The following SLC26A9 variants were observed in gnomAD, a reference collection of about 807,000 sequenced individuals.
The protein encoded by SLC26A9 is anion transporter/exchanger protein 9.
A neutral mutation model predicts 87.1 loss-of-function variants in SLC26A9; 46 were observed. The observed-to-expected ratio is 0.53, with a 90% CI of 0.42 to 0.67. The LOEUF is 0.67. Among genes scored for constraint, SLC26A9 ranks in the 30% least tolerant of loss-of-function variants. The probability of loss-of-function intolerance (pLI) is 0.00; values close to 1 mark genes in which losing one functional copy is unlikely to be tolerated. For synonymous variants in SLC26A9, 437 were observed against 409.1 expected, an observed-to-expected ratio of 1.07 and a Z score of -0.82; for missense variants, 927 against 1,018.3, an observed-to-expected ratio of 0.91 and a Z score of 1.22.
At chr1:205,940,952 T>C (rs61814953) in intron 1 of SLC26A9, among the ~76,000 whole-genome samples, 48,216 of 152,086 alleles carry the variant, frequency 0.32, 9,456 homozygotes, top group South Asian at 0.5. Flanking sequence ...AAAGGTCACC[T>C]TGAGGTTTCC....
chr1:205,931,819 G>C (rs775303292), intron 5 of SLC26A9, 41 bp downstream of exon 5: 15 of 1,589,498 alleles, frequency 9.4e-6, no homozygotes, highest in Non-Finnish European at 1.3e-5. Context: ...GGGCAGGGTG[G>C]TCTGATGCCC....
chr1:205,926,610 G>A lies in SLC26A9; in HGVS notation c.1314C>T (p.Ile438=), dbSNP rs759289783. 22 of 1,614,020 alleles carry A rather than the reference G, an allele frequency of 1.4e-5. No homozygotes were observed. The highest frequency in any genetic ancestry group is 5.5e-5 in the South Asian group (5 of 91,064). ...TGAGGGAGTTCTTGAGATTGACAGC[G>A]ATCAGGGCTCCTAGCACAGACTAGA... The part of the protein sequence containing the change: ...PLPKSVLGAL[I]AVNLKNSLKQ... Residue 438 remains isoleucine, a synonymous_variant, in exon 12 of 21, where the codon ATC becomes ATT. Coordinates refer to ENST00000367135, the MANE Select transcript of SLC26A9 (RefSeq NM_052934.4).
At chr1:205,935,623 A>T in intron 2 of SLC26A9, 73 bp downstream of exon 2, 1 of 1,594,158 alleles carries the variant, frequency 6.3e-7, no homozygotes, top group South Asian at 1.1e-5. Context: ...CCAGTGCAGA[A>T]GCCGTGTCCT....
chr1:205,929,780 C>T (rs1192462853), intron 6 of SLC26A9, 112 bp downstream of exon 6: 1 of 1,334,502 alleles, frequency 7.5e-7, no homozygotes, highest in Non-Finnish European at 1.0e-6. Context: ...CTCTGAACAA[C>T]AGCTAAGCCA....
rs746941944 is a variant in SLC26A9, at chr1:205,926,600, G to A, written c.1324C>T (p.Leu442Phe). 1 of 1,614,120 alleles carries A rather than the reference G, an allele frequency of 6.2e-7. No homozygotes were observed. Among genetic ancestry groups the A allele is most frequent in the South Asian group, 1.1e-5 (1 of 91,078 alleles). Residue 442 changes from leucine (L) to phenylalanine (F), a missense_variant, in exon 12 of 21, where the codon CTC becomes TTC. By Grantham distance (22) the Leu-to-Phe change is conservative. Transcript: ENST00000367135. ...GTGAGTTGCTTGAGGGAGTTCTTGA[G>A]ATTGACAGCGATCAGGGCTCCTAGC... ...SVLGALIAVN[L>F]KNSLKQLTDP...
At chr1:205,932,179 C>T in intron 4 of SLC26A9, 144 bp from the exon 5 acceptor site, 1 of 938,270 alleles carries the variant, frequency 1.1e-6, no homozygotes, top group Non-Finnish European at 1.6e-6. Context: ...TAATAACAAC[C>T]ACTCACTCTA....
rs549687676 is a variant in SLC26A9, at chr1:205,927,144, C to A, written c.1293+67G>T. 2.8e-5 allele frequency: 44 copies of A among 1,557,478 alleles called. No homozygotes were observed. The East Asian group carries it at 3.6e-4, about 13-fold the overall frequency. ...GCACTTTGTGGTCCGTAAAGTGCCA[C>A]ACAACTCTCAGGGATTGTTCTTATT... On this transcript the variant is annotated intron_variant, in intron 11 of 20. Transcript: ENST00000367135.
intron 4 of SLC26A9, among the ~76,000 whole-genome samples, 165 bp downstream of exon 4, chr1:205,932,537 G>A (rs1192023902): frequency 6.6e-6 from 1 of 152,168 alleles, no homozygotes; most frequent in East Asian, 1.9e-4. Flanking sequence ...GTTTCTCCAA[G>A]GTCACCGAGG....
chr1:205,933,684 A>C (rs1659399948), intron 2 of SLC26A9, among the ~76,000 whole-genome samples: 1 of 152,054 alleles, frequency 6.6e-6, no homozygotes, highest in Non-Finnish European at 1.5e-5. Context: ...TTTTCTTAGA[A>C]CTTCCTTGAA....
rs755973525 is a variant in SLC26A9, at chr1:205,932,990, C to A, written c.220G>T (p.Asp74Tyr). The change falls in exon 3 of 21, where the codon GAC becomes TAC. Residue 74 changes from aspartate to tyrosine, a missense_variant. Physicochemically the swap from Asp to Tyr is radical, Grantham distance 160. Transcript: ENST00000367135. ...CCCCCGCTGAGTCCACCGAGCAGGT[C>A]AGGAATGATGTAGTCTTTAATCTTG... ...KYKIKDYIIP[D>Y]LLGGLSGGSI... 2 of 1,614,126 alleles carry A rather than the reference C, an allele frequency of 1.2e-6. No individual in the cohort carries two copies. Among genetic ancestry groups the A allele is most frequent in the East Asian group, 2.2e-5 (1 of 44,874 alleles).
chr1:205,933,038 C>T lies in SLC26A9; in HGVS notation c.172G>A (p.Val58Met). Residue 58 changes from valine (V) to methionine (M), a missense_variant, in exon 3 of 21, where the codon GTG (valine) becomes ATG (methionine). Physicochemically the swap from Val to Met is conservative, Grantham distance 21. Transcript: ENST00000367135. ...IKAVVFGLLPVLSWLPKYKIK... is the reference protein window; with the variant it reads ...IKAVVFGLLPMLSWLPKYKIK... The stretch of plus-strand genomic sequence containing the variant: ...TTGTACTTGGGGAGCCAGGAGAGCA[C>T]AGGCAGCAGCCCAAACACCACAGCT... 28 of 1,614,174 alleles carry T rather than the reference C, an allele frequency of 1.7e-5. No individual in the cohort carries two copies. The highest frequency in any genetic ancestry group is 2.3e-5 in the Non-Finnish European group (27 of 1,180,042).
chr1:205,915,396 G>C lies in SLC26A9; in HGVS notation c.2337C>G (p.Phe779Leu). ...GGGTCTCTGCGTGAAACATGCTCCCGAACATCTCCTGCAGGAACCACAGGA... is the reference window on the plus strand; with the variant it reads ...GGGTCTCTGCGTGAAACATGCTCCCCAACATCTCCTGCAGGAACCACAGGA... ...RSYWDLEQEM[F>L]GSMFHAETLT... Residue 779 changes from phenylalanine to leucine, a missense_variant, in exon 21 of 21, where the codon TTC (phenylalanine) becomes TTG (leucine). By Grantham distance (22) the Phe-to-Leu change is conservative. Coordinates refer to ENST00000367135, the MANE Select transcript of SLC26A9 (RefSeq NM_052934.4). The C allele has an allele frequency of 6.2e-7, 1 of 1,614,012 alleles. No individual in the cohort carries two copies. The highest frequency in any genetic ancestry group is 8.5e-7 in the Non-Finnish European group (1 of 1,180,014).
intron 20 of SLC26A9, 70 bp downstream of exon 20, chr1:205,917,208 CTTGTA>C: frequency 6.7e-7 from 1 of 1,496,794 alleles, no homozygotes; most frequent in Non-Finnish European, 9.3e-7. Context: ...GAGTGAACGC[CTTGTA>C]TTTGACAGCG....
chr1:205,920,884 T>G (rs1260125638), intron 17 of SLC26A9, among the ~76,000 whole-genome samples: 1 of 151,970 alleles, frequency 6.6e-6, no homozygotes, highest in Non-Finnish European at 1.5e-5. Context: ...TCAGGGAGTC[T>G]AGAGCTTCAG....
At chr1:205,942,609 A>G (rs1393301641) in intron 1 of SLC26A9, among the ~76,000 whole-genome samples, 4 of 152,122 alleles carry the variant, frequency 2.6e-5, no homozygotes, top group Non-Finnish European at 5.9e-5. Context: ...AACCCCTTGG[A>G]GCTGCAGGAT....
At chr1:205,922,945 A>G (rs1424091562) in intron 16 of SLC26A9, 137 bp downstream of exon 16, 1 of 738,432 alleles carries the variant, frequency 1.4e-6, no homozygotes, top group African/African-American at 1.8e-5. Context: ...AGCGGCCACC[A>G]GGCAGTGTTC....
Position 205,929,249 on chromosome 1 carries a change from G to A in SLC26A9, c.825C>T (p.Arg275=), listed in dbSNP as rs766945626. 6.2e-7 allele frequency: 1 copy of A among 1,614,244 alleles called. No individual in the cohort carries two copies. Among genetic ancestry groups the A allele is most frequent in the Admixed American group, 1.7e-5 (1 of 60,022 alleles). The change falls in exon 7 of 21, where the codon CGC becomes CGT. Residue 275 remains arginine (R), a synonymous_variant. Coordinates refer to ENST00000367135, the MANE Select transcript of SLC26A9 (RefSeq NM_052934.4). Reference sequence around the variant, plus strand: ...TGGGGAAGCGAATCTTGTGCATGTAGCGAGCATTGAGCTCCTTCACCAGCA... The same window carrying A: ...TGGGGAAGCGAATCTTGTGCATGTAACGAGCATTGAGCTCCTTCACCAGCA... ...FLVLVKELNA[R]YMHKIRFPIP...
chr1:205,942,580 C>T (rs1297898611), intron 1 of SLC26A9, among the ~76,000 whole-genome samples: 1 of 152,206 alleles, frequency 6.6e-6, no homozygotes, highest in East Asian at 1.9e-4. Context: ...AATGGGGGCA[C>T]TGCCTGAGAG....
chr1:205,930,899 G>A (rs2102592754), intron 5 of SLC26A9, among the ~76,000 whole-genome samples: 1 of 152,274 alleles, frequency 6.6e-6, no homozygotes, highest in Non-Finnish European at 1.5e-5. Flanking sequence ...CTTTGTACAT[G>A]GCTCTACTTT....
Sources: gnomAD v4.1 joint callset for allele counts (sites outside exome capture counted in the v4.1 genomes callset) on GRCh38, gnomAD v4.1.1 for gene constraint, MANE v1.5 for transcripts, NCBI Gene and HGNC (gene_info 2026-07-23, HGNC 2026-07-21) for gene names.